Variants in CBX2 observed in about 807,000 individuals in gnomAD.
CBX2 encodes the protein chromobox 2.
In CBX2, 11 loss-of-function variants were observed where a neutral mutation model predicts 21.0. The ratio of observed to expected loss-of-function variants is 0.52; its 90% confidence interval spans 0.33 to 0.87. The LOEUF (loss-of-function observed/expected upper bound fraction) is 0.87. Ranked by LOEUF, CBX2 falls within the 40% of genes least tolerant of loss-of-function variation. The pLI, the probability that CBX2 is intolerant of heterozygous loss-of-function variation, is 0.02. For missense variants in CBX2, 746 were observed against 724.3 expected (o/e 1.03, Z -0.34); for synonymous variants, 364 against 304.6 (o/e 1.19, Z -2.03).
chr17:79,782,715 G>A (rs1398852286), intron 4 of CBX2, among the ~76,000 whole-genome samples: 1 of 152,232 alleles, frequency 6.6e-6, no homozygotes, highest in East Asian at 1.9e-4. Flanking sequence ...TCTGCTGACT[G>A]AGGAGTGGCC....
intron 3 of CBX2, 21 bp downstream of exon 3, chr17:79,779,448 G>A (rs1555829752): frequency 1.2e-6 from 2 of 1,608,144 alleles, no homozygotes; most frequent in Non-Finnish European, 1.7e-6. Context: ...TGACAGCACT[G>A]GGGAGGGTGT....
At chr17:79,777,446 A>G (rs140557678), upstream of CBX2, among the ~76,000 whole-genome samples, 70 of 152,294 alleles carry the variant, frequency 4.6e-4, 1 homozygote, top group African/African-American at 1.5e-3. Flanking sequence ...CACTTTTCAT[A>G]GCTGTTTAAT....
chr17:79,777,966 C>A (rs1384369867), upstream of CBX2, among the ~76,000 whole-genome samples: 10 of 145,364 alleles, frequency 6.9e-5, no homozygotes, highest in South Asian at 4.2e-4. Flanking sequence ...CGGGACCCCC[C>A]GCCGGAGCGC....
Position 79,785,144 on chromosome 17 carries a change from G to A in CBX2, c.*102G>A, listed in dbSNP as rs546315325. On this transcript the variant is annotated 3_prime_UTR_variant, in exon 5 of 5. Coordinates refer to ENST00000310942, the MANE Select transcript of CBX2 (RefSeq NM_005189.3). ...CCAAGCCCCCTCAAGAGTCTGGGTC[G>A]GGGGAGGAGGAGTGGGTGGCCTCCT... The A allele has an allele frequency of 2.9e-5, 30 of 1,034,262 alleles. No homozygotes were observed. The highest frequency in any genetic ancestry group is 9.4e-5 in the South Asian group (7 of 74,532). The allele number at this position is 1,034,262 out of a possible 1,614,324, so 64.1% of individuals were successfully genotyped here.
At chr17:79,783,671 A>G in intron 4 of CBX2, 61 bp from the exon 5 acceptor site, 3 of 1,455,108 alleles carry the variant, frequency 2.1e-6, no homozygotes, top group Non-Finnish European at 2.8e-6. Context: ...CGGCCTCCCA[A>G]AGTGCTGGGA....
chr17:79,785,114 C>T lies in CBX2; in HGVS notation c.*72C>T. The T allele has an allele frequency of 7.7e-7, 1 of 1,301,748 alleles. No individual in the cohort carries two copies. The highest frequency in any genetic ancestry group is 2.3e-5 in the East Asian group (1 of 43,000). 80.6% of individuals were successfully genotyped at this position (1,301,748 alleles called of 1,614,324 possible). On this transcript the variant is annotated 3_prime_UTR_variant, in exon 5 of 5. Coordinates refer to ENST00000310942, the MANE Select transcript of CBX2 (RefSeq NM_005189.3). ...ATGGTGTCGCTTGGCTAAGTGACTC[C>T]CAGCCCAAGCCCCCTCAAGAGTCTG...
chr17:79,780,424 T>C (rs954811616), intron 3 of CBX2, among the ~76,000 whole-genome samples: 3 of 152,216 alleles, frequency 2.0e-5, no homozygotes, highest in Admixed American at 6.5e-5. Flanking sequence ...TAAATCCCTT[T>C]GGAAAATCGT....
chr17:79,785,304 A>C lies in CBX2; in HGVS notation c.*262A>C, dbSNP rs917202910. On this transcript the variant is annotated 3_prime_UTR_variant, in exon 5 of 5. Coordinates refer to ENST00000310942, the MANE Select transcript of CBX2 (RefSeq NM_005189.3). The stretch of plus-strand genomic sequence containing the variant: ...CCTCTTTGCTCTCCCCTCTTGCCTC[A>C]GGAAACCCGGTGGCACCTGTGGCTC... 1 of 557,246 alleles carries C rather than the reference A, an allele frequency of 1.8e-6. No homozygotes were observed. Among genetic ancestry groups the C allele is most frequent in the Non-Finnish European group, 3.2e-6 (1 of 309,372 alleles). The allele number at this position is 557,246 out of a possible 1,614,324, so 34.5% of individuals were successfully genotyped here. A position where few individuals can be genotyped will look rare whatever the true frequency, so the allele number is the denominator to read the frequency against.
In CBX2 at chr17:79,778,197, T is replaced by A; in HGVS notation, c.-39T>A. 8.0e-7 allele frequency: 1 copy of A among 1,255,104 alleles called. No homozygotes were observed. The highest frequency in any genetic ancestry group is 3.4e-5 in the East Asian group (1 of 29,334). 77.7% of individuals were successfully genotyped at this position (1,255,104 alleles called of 1,614,324 possible). A position where few individuals can be genotyped will look rare whatever the true frequency, so the allele number is the denominator to read the frequency against. On this transcript the variant is annotated 5_prime_UTR_variant, in exon 1 of 5. Transcript: ENST00000310942. The surrounding 1 kb of genome is among the most constrained non-coding windows in gnomAD (Gnocchi z 4.8). The stretch of plus-strand genomic sequence containing the variant: ...GCGCGCGGCGGTCCGGGCGGGTGAC[T>A]GGCGGCGGGCGCCGCGGTCGGGCTG...
intron 3 of CBX2, 27 bp from the exon 4 acceptor site, chr17:79,781,669 C>T (rs782720820): frequency 1.3e-6 from 2 of 1,590,982 alleles, no homozygotes; most frequent in Admixed American, 1.7e-5. Flanking sequence ...AGGGCTTCTC[C>T]CCCATTAACT....
Position 79,784,186 on chromosome 17 carries a change from G to T in CBX2, c.743G>T (p.Gly248Val), listed in dbSNP as rs1555831122. ...MKGMASSPGR[G>V]GISWQSSIVH... is the part of the protein sequence containing the mutation. Reference sequence around the variant, plus strand: ...GGCATGGCCAGTAGCCCCGGCCGGGGTGGCATCAGCTGGCAGAGCTCCATC... The same window carrying T: ...GGCATGGCCAGTAGCCCCGGCCGGGTTGGCATCAGCTGGCAGAGCTCCATC... Residue 248 changes from glycine to valine, a missense_variant, in exon 5 of 5, where the codon GGT (glycine) becomes GTT (valine). By Grantham distance (109) the Gly-to-Val change is moderately radical. This residue lies in a region of CBX2 where 701 missense variants were observed against 650.7 expected (regional missense o/e 1.08). Coordinates refer to ENST00000310942, the MANE Select transcript of CBX2 (RefSeq NM_005189.3). The surrounding 1 kb of genome is among the most constrained non-coding windows in gnomAD (Gnocchi z 5.9). The T allele has an allele frequency of 1.9e-6, 3 of 1,612,878 alleles. No homozygotes were observed. Among genetic ancestry groups the T allele is most frequent in the East Asian group, 2.2e-5 (1 of 44,854 alleles).
At position 79,784,532 on chromosome 17, in the gene CBX2, T is replaced by A; in HGVS notation, c.1089T>A (p.Asn363Lys). 1 of 1,612,402 alleles carries A rather than the reference T, an allele frequency of 6.2e-7. No individual in the cohort carries two copies. The highest frequency in any genetic ancestry group is 8.5e-7 in the Non-Finnish European group (1 of 1,179,832). ...LQVLDLQSVKNGMPGVGLLAR... is the reference protein window; with the variant it reads ...LQVLDLQSVKKGMPGVGLLAR... ...TCTTGGACTTGCAGAGTGTCAAGAA[T>A]GGCATGCCCGGGGTGGGTCTCCTTG... is the stretch of plus-strand genomic sequence containing the variant. Residue 363 changes from asparagine to lysine, a missense_variant, in exon 5 of 5, where the codon AAT (asparagine) becomes AAA (lysine). Asn to Lys is a moderately conservative substitution (Grantham distance 94, BLOSUM62 0). Transcript: ENST00000310942. The surrounding 1 kb of genome is among the most constrained non-coding windows in gnomAD (Gnocchi z 5.9).
At chr17:79,782,745 C>G (rs1907327510) in intron 4 of CBX2, among the ~76,000 whole-genome samples, 1 of 152,084 alleles carries the variant, frequency 6.6e-6, no homozygotes, top group Non-Finnish European at 1.5e-5. Flanking sequence ...TGATTGATGC[C>G]TTGTTTGAGG....
At chr17:79,782,497 T>C (rs1041271656) in intron 4 of CBX2, 1 of 1,188,584 alleles carries the variant, frequency 8.4e-7, no homozygotes, top group Non-Finnish European at 1.1e-6. Context: ...CAGTCCCGGG[T>C]GTGGCTTTGA....
chr17:79,778,326 G>C lies in CBX2; in HGVS notation c.72+19G>C, dbSNP rs1180376406. 9.6e-6 allele frequency: 15 copies of C among 1,562,354 alleles called. No homozygotes were observed. Among genetic ancestry groups the C allele is most frequent in the South Asian group, 3.5e-5 (3 of 86,314 alleles). On this transcript the variant is annotated intron_variant, in intron 1 of 4. Coordinates refer to ENST00000310942, the MANE Select transcript of CBX2 (RefSeq NM_005189.3). The surrounding 1 kb of genome is among the most constrained non-coding windows in gnomAD (Gnocchi z 4.8). ...CCGCAAGGTGCGTGCGGCCCGCCGG[G>C]CCCCCCGCCCGCCGCCCGCTGTCCG...
chr17:79,784,618 C>T lies in CBX2; in HGVS notation c.1175C>T (p.Thr392Ile). Residue 392 changes from threonine (T) to isoleucine (I), a missense_variant, in exon 5 of 5, where the codon ACT (threonine) becomes ATT (isoleucine). Around this residue, in one of 2 missense-constraint regions of CBX2, gnomAD observed 701 missense variants for 650.7 expected, o/e 1.08. Coordinates refer to ENST00000310942, the MANE Select transcript of CBX2 (RefSeq NM_005189.3). The surrounding 1 kb of genome is among the most constrained non-coding windows in gnomAD (Gnocchi z 5.9). Reference protein sequence around the residue: ...PATNPAPGKGTGSGLIGASGA... With the variant: ...PATNPAPGKGIGSGLIGASGA... Reference sequence around the variant, plus strand: ...ACCAACCCAGCCCCTGGGAAGGGCACTGGGAGTGGCCTCATTGGGGCCAGC... The same window carrying T: ...ACCAACCCAGCCCCTGGGAAGGGCATTGGGAGTGGCCTCATTGGGGCCAGC... 1 of 1,612,606 alleles carries T rather than the reference C, an allele frequency of 6.2e-7. No homozygotes were observed. The highest frequency in any genetic ancestry group is 8.5e-7 in the Non-Finnish European group (1 of 1,179,930).
At chr17:79,782,673 C>G (rs1182855033) in intron 4 of CBX2, 1 of 242,066 alleles carries the variant, frequency 4.1e-6, no homozygotes, top group African/African-American at 2.3e-5. Flanking sequence ...GAAAATCTTC[C>G]TTTTGAGCAG....
rs1274198166 is a variant in CBX2 at position 79,785,311 on chromosome 17, C to G, written c.*269C>G. 1.8e-6 allele frequency: 1 copy of G among 548,824 alleles called. No individual in the cohort carries two copies. Among genetic ancestry groups the G allele is most frequent in the East Asian group, 3.1e-5 (1 of 31,932 alleles). The allele number at this position is 548,824 out of a possible 1,614,324, so 34.0% of individuals were successfully genotyped here. A position where few individuals can be genotyped will look rare whatever the true frequency, so the allele number is the denominator to read the frequency against. On this transcript the variant is annotated 3_prime_UTR_variant, in exon 5 of 5. Transcript: ENST00000310942. ...GCTCTCCCCTCTTGCCTCAGGAAAC[C>G]CGGTGGCACCTGTGGCTCCAGGTGA... is the stretch of plus-strand genomic sequence containing the variant.
In CBX2 at chr17:79,786,965, A is replaced by G. The variant is rs4889787; in HGVS notation, c.*1923A>G. On this transcript the variant is annotated 3_prime_UTR_variant, in exon 5 of 5. Transcript: ENST00000310942. ...CTGGGGGCCAGCCCACAGTGGCCAT[A>G]TTGGCTGCAGCAGGAATGGTGCCCA... 0.38 allele frequency: 58,518 copies of G among 152,662 alleles called. 13,721 individuals are homozygous for G. The highest frequency in any genetic ancestry group is 0.66 in the African/African-American group (27,594 of 41,530). The allele number at this position is 152,662 out of a possible 1,614,324, so 9.5% of individuals were successfully genotyped here.
Sources: gnomAD v4.1 joint callset for allele counts (sites outside exome capture counted in the v4.1 genomes callset) on GRCh38, gnomAD v4.1.1 for gene constraint, gnomAD v4.1.1 regional missense constraint, Gnocchi (gnomAD v3.1) non-coding constraint, MANE v1.5 for transcripts, NCBI Gene and HGNC (gene_info 2026-07-23, HGNC 2026-07-21) for gene names.